GPC5: variants seen among roughly 807,000 people sequenced by gnomAD.
GPC5 encodes the protein glypican-5.
In GPC5, 47 loss-of-function variants were observed where a neutral mutation model predicts 53.9. The ratio of observed to expected loss-of-function variants is 0.87; its 90% confidence interval spans 0.69 to 1.11. The LOEUF is 1.11. Among genes scored for constraint, GPC5 ranks in the 50% most tolerant of loss-of-function variants. GPC5 has a pLI of 0.00. For missense variants in GPC5, 748 were observed against 713.1 expected (o/e 1.05, Z -0.56); for synonymous variants, 286 against 263.3 (o/e 1.09, Z -0.84).
chr13:91,507,927 A>G (rs1885028423), intron 2 of GPC5, among the ~76,000 whole-genome samples: 3 of 152,204 alleles, frequency 2.0e-5, no homozygotes, highest in Admixed American at 2.0e-4. Context: ...TACTTAATTG[A>G]AAAGTATTAT....
chr13:92,160,959 G>A (rs2041983496), intron 7 of GPC5, among the ~76,000 whole-genome samples: 1 of 151,602 alleles, frequency 6.6e-6, no homozygotes, highest in Non-Finnish European at 1.5e-5. Flanking sequence ...ATACCAACTA[G>A]TTTTAATCTT....
chr13:91,564,985 C>T (rs2031458863), intron 2 of GPC5, among the ~76,000 whole-genome samples: 1 of 24,632 alleles, frequency 4.1e-5, no homozygotes. Flanking sequence ...ATTTCTGTGG[C>T]TTTTTTTTGG....
chr13:92,604,971 A>G (rs1419032081), intron 7 of GPC5, among the ~76,000 whole-genome samples: 2 of 152,232 alleles, frequency 1.3e-5, no homozygotes, highest in South Asian at 2.1e-4. Context: ...GGCATAAAGT[A>G]TTCTGGAGCT....
At chr13:92,295,479 C>T (rs61966617) in intron 7 of GPC5, among the ~76,000 whole-genome samples, 6,809 of 152,070 alleles carry the variant, frequency 0.045, 173 homozygotes, top group East Asian at 0.066. Flanking sequence ...TCCATTTGTT[C>T]CAGGGCATAG....
chr13:91,944,718 T>G (rs1296635622), intron 6 of GPC5, among the ~76,000 whole-genome samples: 1 of 152,240 alleles, frequency 6.6e-6, no homozygotes, highest in Admixed American at 6.5e-5. Context: ...TACTCCAAAC[T>G]AGGTTGACTG....
chr13:91,950,720 C>T (rs2040019166), intron 6 of GPC5, among the ~76,000 whole-genome samples: 1 of 152,182 alleles, frequency 6.6e-6, no homozygotes, highest in Non-Finnish European at 1.5e-5. Flanking sequence ...ACTGTTGATG[C>T]TAGTGAATGT....
At chr13:91,653,615 A>G (rs73609986) in intron 2 of GPC5, among the ~76,000 whole-genome samples, 9,860 of 152,128 alleles carry the variant, frequency 0.065, 1,079 homozygotes, top group African/African-American at 0.22. Context: ...ACAAAAAAAC[A>G]TAATCAATCA....
chr13:91,676,758 A>G (rs1010213006), intron 2 of GPC5, among the ~76,000 whole-genome samples: 3 of 152,180 alleles, frequency 2.0e-5, no homozygotes, highest in Non-Finnish European at 4.4e-5. Flanking sequence ...ATTGTATTTG[A>G]CTTTATTTAA....
intron 7 of GPC5, among the ~76,000 whole-genome samples, chr13:92,712,341 AATG>A (rs1475576510): frequency 6.6e-6 from 1 of 151,930 alleles, no homozygotes. Flanking sequence ...TCTAACCCAA[AATG>A]ATAAGAAAAT....
At chr13:92,370,673 T>C (rs1253016304) in intron 7 of GPC5, among the ~76,000 whole-genome samples, 3 of 152,216 alleles carry the variant, frequency 2.0e-5, no homozygotes, top group East Asian at 3.8e-4. Context: ...TTTAGATGTT[T>C]TACTCTTTTA....
chr13:91,918,614 G>A (rs1462927879), intron 6 of GPC5, among the ~76,000 whole-genome samples: 3 of 151,904 alleles, frequency 2.0e-5, no homozygotes, highest in Admixed American at 6.6e-5. Context: ...TGCTGCCTCC[G>A]TCATTCCCCT....
At chr13:91,590,362 G>A (rs918031174) in intron 2 of GPC5, among the ~76,000 whole-genome samples, 1 of 151,686 alleles carries the variant, frequency 6.6e-6, no homozygotes, top group South Asian at 2.1e-4. Flanking sequence ...AATAACATTC[G>A]ATTTTCTTCA....
chr13:92,636,964 G>C (rs1316987833), intron 7 of GPC5, among the ~76,000 whole-genome samples: 1 of 152,008 alleles, frequency 6.6e-6, no homozygotes, highest in Non-Finnish European at 1.5e-5. Context: ...AAGAGCTTTG[G>C]AGCCAACCTG....
At chr13:92,179,487 G>A (rs187427965) in intron 7 of GPC5, among the ~76,000 whole-genome samples, 40 of 152,258 alleles carry the variant, frequency 2.6e-4, no homozygotes, top group East Asian at 7.7e-4. Context: ...CTAATTTGTC[G>A]TGGTCTCTCT....
chr13:91,705,533 A>G (rs2036079721), intron 3 of GPC5, among the ~76,000 whole-genome samples: 1 of 152,186 alleles, frequency 6.6e-6, no homozygotes. Flanking sequence ...TCTGATTTAG[A>G]GATGATCCAA....
At chr13:92,238,675 A>G (rs2042587520) in intron 7 of GPC5, among the ~76,000 whole-genome samples, 2 of 152,098 alleles carry the variant, frequency 1.3e-5, no homozygotes, top group South Asian at 4.1e-4. Flanking sequence ...CCGTTATTAG[A>G]CATATAATTT....
chr13:92,631,238 CTT>C, intron 7 of GPC5, among the ~76,000 whole-genome samples: 1 of 152,132 alleles, frequency 6.6e-6, no homozygotes, highest in East Asian at 1.9e-4. Flanking sequence ...AAAATTGTCA[CTT>C]TTGATTTGTG....
intron 2 of GPC5, among the ~76,000 whole-genome samples, chr13:91,499,682 G>A (rs1000059389): frequency 6.6e-5 from 10 of 152,120 alleles, no homozygotes; most frequent in East Asian, 3.9e-4. Context: ...TGGTTACCTC[G>A]TCTTTCATCA....
chr13:91,646,924 C>T (rs1348635176), intron 2 of GPC5, among the ~76,000 whole-genome samples: 1 of 152,094 alleles, frequency 6.6e-6, no homozygotes, highest in East Asian at 1.9e-4. Context: ...CAGTCATCAT[C>T]AGACACTTTG....
Sources: allele counts gnomAD v4.1 joint callset (sites outside exome capture counted in the v4.1 genomes callset), GRCh38; gene constraint gnomAD v4.1.1; transcripts MANE v1.5; gene names NCBI Gene and HGNC (gene_info 2026-07-23, HGNC 2026-07-21).